The following GOLGB1 variants were observed in gnomAD, a reference collection of about 807,000 sequenced individuals.
GOLGB1 encodes the protein golgin B1, also known as golgin subfamily B member 1.
In GOLGB1, 174 loss-of-function variants were observed where a neutral mutation model predicts 336.9. That is an observed-to-expected ratio of 0.52 (90% CI 0.46 to 0.59). GOLGB1 has a LOEUF of 0.59. Ranked by LOEUF, GOLGB1 falls within the 20% of genes least tolerant of loss-of-function variation. GOLGB1 has a pLI of 0.00. For missense variants in GOLGB1, 3,331 were observed against 3,645.3 expected (o/e 0.91, Z 2.22); for synonymous variants, 1,208 against 1,289.2 (o/e 0.94, Z 1.35).
chr3:121,712,235 T>C (rs1017813364), intron 10 of GOLGB1, among the ~76,000 whole-genome samples: 4 of 152,142 alleles, frequency 2.6e-5, no homozygotes, highest in Non-Finnish European at 4.4e-5. Flanking sequence ...GAAATGGTGC[T>C]GAAACAACGA....
chr3:121,713,323 C>T (rs1264008108), intron 10 of GOLGB1, among the ~76,000 whole-genome samples: 1 of 152,162 alleles, frequency 6.6e-6, no homozygotes, highest in Non-Finnish European at 1.5e-5. Context: ...TGAGAATGTT[C>T]ACAGCAGTTT....
intron 4 of GOLGB1, among the ~76,000 whole-genome samples, chr3:121,727,318 A>T (rs1177703043): frequency 0.022 from 740 of 33,408 alleles, 13 homozygotes; most frequent in Non-Finnish European, 0.037. Flanking sequence ...ATATATATAT[A>T]TATTTTTTTT....
intron 1 of GOLGB1, among the ~76,000 whole-genome samples, chr3:121,743,662 A>G (rs1466057366): frequency 1.3e-5 from 2 of 152,218 alleles, no homozygotes; most frequent in Non-Finnish European, 2.9e-5. Flanking sequence ...TACAAATTAT[A>G]AATACACATA....
intron 14 of GOLGB1, among the ~76,000 whole-genome samples, chr3:121,687,746 GC>G (rs1941898306): frequency 6.6e-6 from 1 of 152,166 alleles, no homozygotes; most frequent in Non-Finnish European, 1.5e-5. Context: ...AACATAGTTA[GC>G]TAATTCAGAA....
At chr3:121,677,259 T>A in intron 16 of GOLGB1, 26 bp downstream of exon 16, 1 of 1,547,516 alleles carries the variant, frequency 6.5e-7, no homozygotes. Flanking sequence ...TATCTCTGAG[T>A]AACAATCAGC....
intron 14 of GOLGB1, among the ~76,000 whole-genome samples, chr3:121,689,819 T>C (rs2107764542): frequency 6.6e-6 from 1 of 152,320 alleles, no homozygotes; most frequent in Non-Finnish European, 1.5e-5. Context: ...ACAGTAATGT[T>C]GCCAAGTAGA....
chr3:121,664,717 A>T lies in GOLGB1; in HGVS notation c.9661-103T>A, dbSNP rs188840938. The T allele has an allele frequency of 6.8e-4, 758 of 1,115,778 alleles. 2 individuals are homozygous for T. The African/African-American group carries it at 0.011, about 16-fold the overall frequency. The allele number at this position is 1,115,778 out of a possible 1,614,324, so 69.1% of individuals were successfully genotyped here. On this transcript the variant is annotated intron_variant, in intron 21 of 21. Coordinates refer to ENST00000614479, the MANE Select transcript of GOLGB1 (RefSeq NM_001366282.2). ...TAAGCAAAGCTGACCCAACCACTGT[A>T]GAAAGGGGTATTCTGAGAGGAAAGT...
Position 121,696,432 on chromosome 3 carries a change from A to G in GOLGB1, c.4091T>C (p.Val1364Ala). The change falls in exon 13 of 22, where the codon GTA (valine) becomes GCA (alanine). Residue 1364 changes from valine (V) to alanine (A), a missense_variant. Transcript: ENST00000614479. ...QGLEIESLKT[V>A]SHEAEVHAES... ...GGCATGGACTTCAGCTTCATGGGAT[A>G]CTGTCTTTAGACTCTCGATTTCTAA... is the stretch of plus-strand genomic sequence containing the variant. 1 of 1,614,102 alleles carries G rather than the reference A, an allele frequency of 6.2e-7. No homozygotes were observed. The highest frequency in any genetic ancestry group is 8.5e-7 in the Non-Finnish European group (1 of 1,180,008).
intron 20 of GOLGB1, 33 bp downstream of exon 20, chr3:121,667,443 A>G: frequency 6.2e-7 from 1 of 1,603,102 alleles, no homozygotes; most frequent in Non-Finnish European, 8.5e-7. Context: ...AAAGGATCGG[A>G]AGGGAACAGA....
At chr3:121,677,613 G>GA (rs1261408172) in intron 15 of GOLGB1, among the ~76,000 whole-genome samples, 163 bp from the exon 16 acceptor site, 5 of 152,228 alleles carry the variant, frequency 3.3e-5, no homozygotes, top group South Asian at 4.1e-4. Context: ...AAATGTGGGG[G>GA]AAAAAACAGG....
intron 17 of GOLGB1, among the ~76,000 whole-genome samples, chr3:121,672,823 T>C (rs976144606): frequency 2.0e-5 from 3 of 152,094 alleles, no homozygotes; most frequent in African/African-American, 7.2e-5. Context: ...GAGATAGGAG[T>C]CTAGTTTTAT....
intron 10 of GOLGB1, among the ~76,000 whole-genome samples, chr3:121,714,555 A>G (rs754289722): frequency 6.6e-6 from 1 of 152,188 alleles, no homozygotes; most frequent in Non-Finnish European, 1.5e-5. Context: ...GAACTGGGAA[A>G]ATTAACTACA....
intron 5 of GOLGB1, among the ~76,000 whole-genome samples, chr3:121,726,645 A>G (rs1945638586): frequency 6.6e-6 from 1 of 152,014 alleles, no homozygotes; most frequent in Non-Finnish European, 1.5e-5. Flanking sequence ...GTGAAATAAA[A>G]CAACAAACAA....
intron 15 of GOLGB1, among the ~76,000 whole-genome samples, chr3:121,680,007 G>A (rs537222462): frequency 2.5e-4 from 38 of 152,248 alleles, no homozygotes; most frequent in East Asian, 5.8e-4. Flanking sequence ...GAGGCTAAGC[G>A]GATAGCCTGG....
intron 13 of GOLGB1, among the ~76,000 whole-genome samples, 163 bp from the exon 14 acceptor site, chr3:121,692,744 T>C (rs1942565050): frequency 6.6e-6 from 1 of 152,254 alleles, no homozygotes. Flanking sequence ...TGCACCTACA[T>C]GTTTATCTAC....
chr3:121,691,609 C>T lies in GOLGB1; in HGVS notation c.7755G>A (p.Glu2585=). 1.2e-6 allele frequency: 2 copies of T among 1,613,650 alleles called. No homozygotes were observed. The highest frequency in any genetic ancestry group is 2.2e-5 in the South Asian group (2 of 91,012). The change falls in exon 14 of 22, where the codon GAG becomes GAA. Residue 2585 remains glutamate (E), a synonymous_variant. Transcript: ENST00000614479. Reference sequence around the variant, plus strand: ...ACCTCCGCAGATCCTCATTTGCTTCCTCAGATTCCTTCAGCTTTTCTTCTA... The same window carrying T: ...ACCTCCGCAGATCCTCATTTGCTTCTTCAGATTCCTTCAGCTTTTCTTCTA... ...AKLEEKLKES[E]EANEDLRRSF...
At chr3:121,679,408 T>G (rs569992059) in intron 15 of GOLGB1, among the ~76,000 whole-genome samples, 2 of 152,202 alleles carry the variant, frequency 1.3e-5, no homozygotes, top group South Asian at 2.1e-4. Context: ...TCCCCAGACT[T>G]GAGGAATGAC....
rs188862630 is a variant in GOLGB1, at chr3:121,737,823, G to A, written c.-2-6850C>T. On this transcript the variant is annotated intron_variant, in intron 1 of 21. Transcript: ENST00000614479. Reference sequence around the variant, plus strand: ...ATGAGAGATACCTGTTTTTTTAATAGATTGTCTTGGGTAATCTAAGTAGCA... The same window carrying A: ...ATGAGAGATACCTGTTTTTTTAATAAATTGTCTTGGGTAATCTAAGTAGCA... Among the ~76,000 whole-genome samples, 306 of 152,134 alleles carry A rather than the reference G, an allele frequency of 2.0e-3. 3 individuals carry two copies. Among genetic ancestry groups the A allele is most frequent in the African/African-American group, 7.1e-3 (296 of 41,520 alleles).
chr3:121,742,037 C>A (rs1335199067), intron 1 of GOLGB1, among the ~76,000 whole-genome samples: 2 of 152,152 alleles, frequency 1.3e-5, no homozygotes, highest in Non-Finnish European at 2.9e-5. Flanking sequence ...CTGGGCCATA[C>A]TGTCCAAGGT....
Sources: allele counts gnomAD v4.1 joint callset (sites outside exome capture counted in the v4.1 genomes callset), GRCh38; gene constraint gnomAD v4.1.1; transcripts MANE v1.5; gene names NCBI Gene and HGNC (gene_info 2026-07-23, HGNC 2026-07-21).